ALDH7A1: variants seen among roughly 807,000 people sequenced by gnomAD.
ALDH7A1 encodes the protein aldehyde dehydrogenase 7 family member A1.
In ALDH7A1, 63 loss-of-function variants were observed where a neutral mutation model predicts 79.9. The observed-to-expected ratio is 0.79, with a 90% CI of 0.64 to 0.97. ALDH7A1 has a LOEUF of 0.97. Among genes scored for constraint, ALDH7A1 ranks in the 50% least tolerant of loss-of-function variants. The probability of loss-of-function intolerance (pLI) is 0.00; values close to 1 mark genes in which losing one functional copy is unlikely to be tolerated. For missense variants in ALDH7A1, 627 were observed against 665.2 expected (o/e 0.94, Z 0.63); for synonymous variants, 240 against 231.2 (o/e 1.04, Z -0.34).
chr5:126,594,506 A>G (rs1356683102), intron 1 of ALDH7A1: 1 of 271,118 alleles, frequency 3.7e-6, no homozygotes, highest in African/African-American at 2.5e-5. Context: ...GTGCAATGGC[A>G]CGATCTCGGC....
intron 3 of ALDH7A1, 115 bp downstream of exon 3, chr5:126,592,549 G>A: frequency 9.8e-7 from 1 of 1,020,750 alleles, no homozygotes; most frequent in Non-Finnish European, 1.5e-6. Context: ...AGCCCCCAAG[G>A]AGCTCACATT....
At chr5:126,546,473 G>A in intron 16 of ALDH7A1, 74 bp from the exon 17 acceptor site, 1 of 1,375,668 alleles carries the variant, frequency 7.3e-7, no homozygotes, top group Non-Finnish European at 1.0e-6. Context: ...TCAATGAAAA[G>A]AAGATACCAA....
intron 7 of ALDH7A1, among the ~76,000 whole-genome samples, chr5:126,571,516 G>C (rs1214126692): frequency 1.3e-5 from 2 of 150,826 alleles, no homozygotes; most frequent in Non-Finnish European, 3.0e-5. Context: ...AAAAAACATA[G>C]AACATAAATA....
intron 7 of ALDH7A1, among the ~76,000 whole-genome samples, chr5:126,571,865 G>T (rs1403731762): frequency 6.6e-6 from 1 of 152,102 alleles, no homozygotes; most frequent in Non-Finnish European, 1.5e-5. Flanking sequence ...ACAAAAGAAG[G>T]AGCTGGGGCC....
intron 9 of ALDH7A1, among the ~76,000 whole-genome samples, chr5:126,567,155 T>A (rs1039733363): frequency 1.3e-5 from 2 of 152,224 alleles, no homozygotes; most frequent in Non-Finnish European, 2.9e-5. Flanking sequence ...CCTCTACTTT[T>A]GCCTCTTTTA....
chr5:126,547,877 C>A (rs953169584), intron 16 of ALDH7A1, among the ~76,000 whole-genome samples: 1 of 152,012 alleles, frequency 6.6e-6, no homozygotes, highest in Non-Finnish European at 1.5e-5. Flanking sequence ...TGGTGAAACC[C>A]CATCTCTACT....
At chr5:126,576,281 A>AAAAAT (rs1750967011) in intron 6 of ALDH7A1, among the ~76,000 whole-genome samples, 1 of 150,068 alleles carries the variant, frequency 6.7e-6, no homozygotes, top group Non-Finnish European at 1.5e-5. Flanking sequence ...AAAAAAAAAA[A>AAAAAT]GAATTGTGGA....
At position 126,574,637 on chromosome 5, in the gene ALDH7A1, G is replaced by A. The variant is rs192338679; in HGVS notation, c.695+783C>T. 3.0e-4 allele frequency among the ~76,000 whole-genome samples: 46 copies of A among 152,004 alleles called. No individual in the cohort carries two copies. The East Asian group carries it at 5.8e-3, about 19-fold the overall frequency. ...GTGAACCCGGGAGGTGGAGCTTGCA[G>A]TGAGCCGAGATCGCACCACTGGACT... On this transcript the variant is annotated intron_variant, in intron 7 of 17. Transcript: ENST00000409134.
rs1289547982 is a variant in ALDH7A1 at position 126,542,297 on chromosome 5, A to C, written c.*2668T>G. 1 of 152,208 alleles carries C rather than the reference A, an allele frequency of 6.6e-6. No homozygotes were observed. Among genetic ancestry groups the C allele is most frequent in the Non-Finnish European group, 1.5e-5 (1 of 68,050 alleles). 9.4% of individuals were successfully genotyped at this position (152,208 alleles called of 1,614,324 possible). On this transcript the variant is annotated 3_prime_UTR_variant, in exon 18 of 18. Transcript: ENST00000409134. ...AACAAGAAAATGGTCTGAAAGTGCCAGGGAAGAGAAGAGGAAGGACACAGA... is the reference window on the plus strand; with the variant it reads ...AACAAGAAAATGGTCTGAAAGTGCCCGGGAAGAGAAGAGGAAGGACACAGA...
intron 12 of ALDH7A1, chr5:126,554,665 CTT>C (rs70994877): frequency 2.3e-6 from 1 of 442,734 alleles, no homozygotes; most frequent in Non-Finnish European, 4.2e-6. Flanking sequence ...TGCCGAGAAA[CTT>C]TTTTTTACAG....
intron 2 of ALDH7A1, 110 bp downstream of exon 2, chr5:126,593,241 G>C: frequency 2.7e-6 from 4 of 1,495,202 alleles, no homozygotes; most frequent in Non-Finnish European, 2.7e-6. Context: ...TATTATTCTT[G>C]ACCTGCCTAA....
chr5:126,548,502 C>A (rs1459590250), intron 16 of ALDH7A1, among the ~76,000 whole-genome samples: 1 of 151,526 alleles, frequency 6.6e-6, no homozygotes, highest in Non-Finnish European at 1.5e-5. Context: ...TCTTGGCTCA[C>A]TGCAACCTCT....
At chr5:126,555,830 C>A in intron 12 of ALDH7A1, 101 bp downstream of exon 12, 2 of 973,204 alleles carry the variant, frequency 2.1e-6, no homozygotes, top group East Asian at 5.2e-5. Flanking sequence ...GCCTTCACGC[C>A]TCTCAGGAAA....
intron 9 of ALDH7A1, chr5:126,568,016 C>T: frequency 2.4e-6 from 1 of 416,564 alleles, no homozygotes. Flanking sequence ...ATCTCCTGAC[C>T]TTGTGATCCA....
chr5:126,545,247 T>G (rs187517821), intron 17 of ALDH7A1, among the ~76,000 whole-genome samples: 80 of 149,684 alleles, frequency 5.3e-4, no homozygotes, highest in Middle Eastern at 6.8e-3. Flanking sequence ...CCATACATGG[T>G]TTTTTTTGTT....
At chr5:126,593,477 G>C in intron 1 of ALDH7A1, 73 bp from the exon 2 acceptor site, 1 of 1,597,868 alleles carries the variant, frequency 6.3e-7, no homozygotes, top group Non-Finnish European at 8.6e-7. Context: ...GACCAAACGG[G>C]GAAGAAAAAC....
rs7730016 is a variant in ALDH7A1 at position 126,585,352 on chromosome 5, C to T, written c.313-1340G>A. Among the ~76,000 whole-genome samples, 442 of 152,134 alleles carry T rather than the reference C, an allele frequency of 2.9e-3. 3 individuals are homozygous for T. Among genetic ancestry groups the T allele is most frequent in the African/African-American group, 0.01 (425 of 41,534 alleles). ...GAACATTCCCCTCCATGAAACCTTC[C>T]CCCAGGCAGAAGCCAATCACACCCT... On this transcript the variant is annotated intron_variant, in intron 3 of 17. Transcript: ENST00000409134.
At chr5:126,578,580 A>G (rs997501034) in intron 5 of ALDH7A1, among the ~76,000 whole-genome samples, 4 of 150,230 alleles carry the variant, frequency 2.7e-5, no homozygotes, top group African/African-American at 9.9e-5. Context: ...TTGAGGCTGA[A>G]GTGACCTGGG....
chr5:126,545,103 G>T, intron 17 of ALDH7A1, 84 bp from the exon 18 acceptor site: 1 of 1,026,118 alleles, frequency 9.7e-7, no homozygotes, highest in Non-Finnish European at 1.5e-6. Context: ...TAGCAGATCT[G>T]TATATATTAA....
Sources: gnomAD v4.1 joint callset for allele counts (sites outside exome capture counted in the v4.1 genomes callset) on GRCh38, gnomAD v4.1.1 for gene constraint, MANE v1.5 for transcripts, NCBI Gene and HGNC (gene_info 2026-07-23, HGNC 2026-07-21) for gene names.